Variants in TRAF3IP1 observed in about 807,000 individuals in gnomAD.
TRAF3IP1 encodes the protein intraflagellar transport 54, also known as TRAF3-interacting protein 1.
In TRAF3IP1, 53 loss-of-function variants were observed where a neutral mutation model predicts 89.9. That is an observed-to-expected ratio of 0.59 (90% CI 0.47 to 0.74). TRAF3IP1 has a LOEUF of 0.74. Among genes scored for constraint, TRAF3IP1 ranks in the 30% least tolerant of loss-of-function variants. The pLI, the probability that TRAF3IP1 is intolerant of heterozygous loss-of-function variation, is 0.00. For synonymous variants in TRAF3IP1, 311 were observed against 322.1 expected, an observed-to-expected ratio of 0.97 and a Z score of 0.37; for missense variants, 806 against 866.1, an observed-to-expected ratio of 0.93 and a Z score of 0.87.
At chr2:238,397,426 C>G (rs201880542) in intron 15 of TRAF3IP1, 33 bp from the exon 16 acceptor site, 5 of 1,597,840 alleles carry the variant, frequency 3.1e-6, no homozygotes, top group Middle Eastern at 1.7e-4. Flanking sequence ...ACTGAGGAGG[C>G]GTGTTCCTCT....
chr2:238,347,331 C>A, intron 9 of TRAF3IP1, 124 bp from the exon 10 acceptor site: 1 of 999,040 alleles, frequency 1.0e-6, no homozygotes, highest in Non-Finnish European at 1.5e-6. Context: ...AGGAAATGAT[C>A]TTTTTTTCTT....
intron 15 of TRAF3IP1, among the ~76,000 whole-genome samples, chr2:238,363,737 G>A (rs1343016853): frequency 5.9e-5 from 9 of 152,228 alleles, no homozygotes; most frequent in Admixed American, 2.6e-4. Flanking sequence ...CAAGGTGGGC[G>A]GATCACGAGG....
intron 6 of TRAF3IP1, among the ~76,000 whole-genome samples, chr2:238,333,642 T>G (rs181511833): frequency 2.2e-4 from 34 of 152,376 alleles, no homozygotes; most frequent in Middle Eastern, 3.4e-3. Context: ...TAATTAAGTA[T>G]ATAGCAACAG....
At chr2:238,334,105 A>C in intron 7 of TRAF3IP1, 70 bp downstream of exon 7, 1 of 1,180,662 alleles carries the variant, frequency 8.5e-7, no homozygotes, top group Non-Finnish European at 1.2e-6. Flanking sequence ...CTTAATCTCA[A>C]TGTCTAGTAG....
intron 15 of TRAF3IP1, among the ~76,000 whole-genome samples, chr2:238,376,685 TAG>T (rs1700330169): frequency 1.3e-5 from 2 of 152,242 alleles, no homozygotes; most frequent in African/African-American, 2.4e-5. Context: ...TGGGTATTTA[TAG>T]TTTATCTGCT....
At position 238,363,065 on chromosome 2, in the gene TRAF3IP1, C is replaced by A. The variant is rs956455291; in HGVS notation, c.1689+6985C>A. ...ATCTATACTTAGTTTTTCTTTTCTT[C>A]CCAAAATTTTGTGTCTTTTTATTTC... On this transcript the variant is annotated intron_variant, in intron 15 of 16. Transcript: ENST00000373327. Among the ~76,000 whole-genome samples the A allele has an allele frequency of 4.6e-5, 7 of 152,062 alleles. 1 individual carries two copies. The highest frequency in any genetic ancestry group is 1.7e-4 in the African/African-American group (7 of 41,406).
chr2:238,320,783 G>T lies in TRAF3IP1; in HGVS notation c.121G>T (p.Glu41Ter). 1.4e-6 allele frequency: 2 copies of T among 1,417,236 alleles called. No homozygotes were observed. Among genetic ancestry groups the T allele is most frequent in the Non-Finnish European group, 9.3e-7 (1 of 1,070,758 alleles). The allele number at this position is 1,417,236 out of a possible 1,614,324, so 87.8% of individuals were successfully genotyped here. Residue 41 changes from glutamate (E) to a stop codon, truncating the protein, a stop_gained and splice_region_variant, in exon 1 of 17, where the codon GAG becomes TAG. Transcript: ENST00000373327. LOFTEE classifies it high-confidence loss of function. ...CCGCTACCTGCACGACATCATCACG[G>T]AGGTGGGCGCCGGGGACCGGGCCCG... is the stretch of plus-strand genomic sequence containing the variant. The part of the protein sequence containing the change: ...PFRYLHDIIT[E>*]VIRMTGFMKG...
At chr2:238,343,092 ATT>A (rs201616700) in intron 8 of TRAF3IP1, among the ~76,000 whole-genome samples, 2 of 142,640 alleles carry the variant, frequency 1.4e-5, no homozygotes, top group Non-Finnish European at 1.5e-5. Flanking sequence ...TGGGCCCCCT[ATT>A]TTTTTTTTTT....
intron 15 of TRAF3IP1, among the ~76,000 whole-genome samples, chr2:238,368,811 C>G (rs1476601061): frequency 6.6e-6 from 1 of 152,068 alleles, no homozygotes; most frequent in Non-Finnish European, 1.5e-5. Context: ...GCTGAGATTA[C>G]AGGCGCCTGC....
intron 15 of TRAF3IP1, among the ~76,000 whole-genome samples, chr2:238,361,042 T>TA (rs1699634595): frequency 6.6e-6 from 1 of 151,862 alleles, no homozygotes; most frequent in Admixed American, 6.6e-5. Flanking sequence ...CCTTTTTATT[T>TA]AAAAAACTTT....
In TRAF3IP1 at chr2:238,328,767, T is replaced by A; in HGVS notation, c.436T>A (p.Ser146Thr). ...AGGCCGGGCCTCACTGACCTCAAGA[T>A]CTCAGGAATTGGATAATAAGAATGT... ...VKGRASLTSR[S>T]QELDNKNVRE... Residue 146 changes from serine (S) to threonine (T), a missense_variant, in exon 4 of 17, where the codon TCT becomes ACT. By Grantham distance (58) the Ser-to-Thr change is moderately conservative. Transcript: ENST00000373327. The A allele has an allele frequency of 4.3e-6, 7 of 1,613,872 alleles. No individual in the cohort carries two copies. The highest frequency in any genetic ancestry group is 5.9e-6 in the Non-Finnish European group (7 of 1,179,978).
intron 15 of TRAF3IP1, among the ~76,000 whole-genome samples, chr2:238,362,680 ATC>A (rs1157317603): frequency 1.3e-5 from 2 of 152,206 alleles, no homozygotes; most frequent in Non-Finnish European, 2.9e-5. Flanking sequence ...ATGAAGTGAA[ATC>A]TCTATTTTAG....
chr2:238,358,113 ATT>A (rs11295600), intron 15 of TRAF3IP1, among the ~76,000 whole-genome samples: 319 of 143,260 alleles, frequency 2.2e-3, no homozygotes, highest in African/African-American at 7.0e-3. Context: ...TTTTTGTTAC[ATT>A]TTTTTTTTTT....
At position 238,399,610 on chromosome 2, in the gene TRAF3IP1, T is replaced by C. The variant is rs369587042; in HGVS notation, c.*691T>C. ...GATTTCAGGATGGCCTTTATGGACG[T>C]TGTCTGGACATACATCCTCACTTTC... On this transcript the variant is annotated 3_prime_UTR_variant, in exon 17 of 17. Transcript: ENST00000373327. 6.6e-6 allele frequency: 1 copy of C among 152,236 alleles called. No homozygotes were observed. The highest frequency in any genetic ancestry group is 6.5e-5 in the Admixed American group (1 of 15,282). The allele number at this position is 152,236 out of a possible 1,614,324, so 9.4% of individuals were successfully genotyped here.
At chr2:238,346,299 T>A (rs1348895071) in intron 9 of TRAF3IP1, among the ~76,000 whole-genome samples, 9 of 152,132 alleles carry the variant, frequency 5.9e-5, no homozygotes. Flanking sequence ...GCCCTTGTAG[T>A]GGCACTATCT....
intron 14 of TRAF3IP1, among the ~76,000 whole-genome samples, chr2:238,354,898 C>T (rs543220729): frequency 1.3e-5 from 2 of 151,788 alleles, no homozygotes; most frequent in East Asian, 3.9e-4. Context: ...GATCGGCCCC[C>T]TTGGCCTCCC....
intron 15 of TRAF3IP1, among the ~76,000 whole-genome samples, chr2:238,390,816 G>A (rs1310439902): frequency 1.3e-5 from 2 of 152,048 alleles, no homozygotes; most frequent in African/African-American, 4.8e-5. Context: ...ATAAAGTTAG[G>A]AGGTGGTGAG....
rs1027848113 is a variant in TRAF3IP1 at position 238,329,009 on chromosome 2, A to G, written c.582A>G (p.Pro194=). 1 of 1,551,860 alleles carries G rather than the reference A, an allele frequency of 6.4e-7. No individual in the cohort carries two copies. The highest frequency in any genetic ancestry group is 8.7e-7 in the Non-Finnish European group (1 of 1,147,186). Residue 194 remains proline (P), a synonymous_variant, in exon 5 of 17, where the codon CCA becomes CCG. Transcript: ENST00000373327. ...AAGAATTGAAAGAAGACCGCAAGCCAAGAGAAAAGGACAAGGACAAGGAGA... is the reference window on the plus strand; with the variant it reads ...AAGAATTGAAAGAAGACCGCAAGCCGAGAGAAAAGGACAAGGACAAGGAGA... ...QKEELKEDRK[P]REKDKDKEKA...
Position 238,348,790 on chromosome 2 carries a change from G to A in TRAF3IP1, c.1309G>A (p.Asp437Asn), listed in dbSNP as rs1256060517. The A allele has an allele frequency of 6.2e-7, 1 of 1,614,160 alleles. No individual in the cohort carries two copies. The highest frequency in any genetic ancestry group is 1.1e-5 in the South Asian group (1 of 91,086). ...AEGDAGPAGQ[D>N]KSEVPETPEI... The stretch of plus-strand genomic sequence containing the variant: ...AGGAGATGCTGGACCTGCTGGCCAA[G>A]ATAAGTCTGAGGTGCCAGAGACTCC... The change falls in exon 11 of 17, where the codon GAT becomes AAT. Residue 437 changes from aspartate (D) to asparagine (N), a missense_variant. Transcript: ENST00000373327.
Sources: gnomAD v4.1 joint callset for allele counts (sites outside exome capture counted in the v4.1 genomes callset) on GRCh38, gnomAD v4.1.1 for gene constraint, MANE v1.5 for transcripts, NCBI Gene and HGNC (gene_info 2026-07-23, HGNC 2026-07-21) for gene names.